Variants in PLEKHA1 observed in about 807,000 individuals in gnomAD.
The protein encoded by PLEKHA1 is pleckstrin homology domain-containing family A member 1.
In PLEKHA1, 34 loss-of-function variants were observed where a neutral mutation model predicts 52.0. The ratio of observed to expected loss-of-function variants is 0.65; its 90% CI spans 0.50 to 0.87. The LOEUF (loss-of-function observed/expected upper bound fraction) is 0.87, where lower values mean the gene tolerates loss of function less well. Ranked by LOEUF, PLEKHA1 falls within the 40% of genes least tolerant of loss-of-function variation. The pLI is 0.00. For synonymous variants in PLEKHA1, 163 were observed against 170.7 expected, an observed-to-expected ratio of 0.95 and a Z score of 0.35; for missense variants, 497 against 504.2, an observed-to-expected ratio of 0.99 and a Z score of 0.14.
chr10:122,418,434 A>G (rs1247993451), intron 8 of PLEKHA1: 1 of 153,442 alleles, frequency 6.5e-6, no homozygotes, highest in African/African-American at 2.4e-5. Context: ...ATATCTGTAT[A>G]TATGATGAGG....
intron 9 of PLEKHA1, 74 bp from the exon 10 acceptor site, chr10:122,424,815 ATACTGGG>A: frequency 9.1e-7 from 1 of 1,099,200 alleles, no homozygotes; most frequent in African/African-American, 1.6e-5. Flanking sequence ...TTATTGACGC[ATACTGGG>A]TACTGGGTAA....
At position 122,412,974 on chromosome 10, in the gene PLEKHA1, G is replaced by A; in HGVS notation, c.397G>A (p.Glu133Lys). The change falls in exon 6 of 12, where the codon GAA becomes AAA. Residue 133 changes from glutamate (E) to lysine (K), a missense_variant. Transcript: ENST00000368990. The stretch of plus-strand genomic sequence containing the variant: ...TTCTGATAACCTAAGTCGCCATGGT[G>A]AATGTGGGAAAAAGCAAGTGTCTTA... Reference protein sequence around the residue: ...PNSDNLSRHGECGKKQVSYRT... With the variant: ...PNSDNLSRHGKCGKKQVSYRT... 6.2e-7 allele frequency: 1 copy of A among 1,613,586 alleles called. No individual in the cohort carries two copies. The highest frequency in any genetic ancestry group is 2.2e-5 in the East Asian group (1 of 44,838).
At chr10:122,434,163 A>G (rs2097429706), downstream of PLEKHA1, 1 of 152,124 alleles carries the variant, frequency 6.6e-6, no homozygotes, top group African/African-American at 2.4e-5. Context: ...GTGTTTGTCC[A>G]CTGCTGCTAT....
chr10:122,424,193 T>TTTTTTG lies in PLEKHA1; in HGVS notation c.682-6_682-5insTTTTTG. 6.5e-7 allele frequency: 1 copy of TTTTTTG among 1,536,104 alleles called. No individual in the cohort carries two copies. Among genetic ancestry groups the TTTTTTG allele is most frequent in the African/African-American group, 1.5e-5 (1 of 68,472 alleles). On this transcript the variant is annotated splice_polypyrimidine_tract_variant and splice_region_variant and intron_variant, in intron 8 of 11. Coordinates refer to ENST00000368990, the MANE Select transcript of PLEKHA1 (RefSeq NM_001001974.4). ...ACTGTTTTTTTTTTTTTTTTTTTTT[T>TTTTTTG]GCCAGGAAAAGGAACCTCTTCGTGT...
At position 122,429,997 on chromosome 10, in the gene PLEKHA1, TC is replaced by T; in HGVS notation, c.*60del. 6.6e-7 allele frequency: 1 copy of T among 1,522,460 alleles called. No homozygotes were observed. Among genetic ancestry groups the T allele is most frequent in the Non-Finnish European group, 8.9e-7 (1 of 1,128,858 alleles). 94.3% of individuals were successfully genotyped at this position (1,522,460 alleles called of 1,614,324 possible). On this transcript the variant is annotated 3_prime_UTR_variant, in exon 12 of 12. Coordinates refer to ENST00000368990, the MANE Select transcript of PLEKHA1 (RefSeq NM_001001974.4). Reference sequence around the variant, plus strand: ...GTCCTCAGTTTCCTTTCATGAGGCTTCTAGCCAAAGATGATAAAGGGGGAAA... The same window carrying T: ...GTCCTCAGTTTCCTTTCATGAGGCTTTAGCCAAAGATGATAAAGGGGGAAA...
At chr10:122,428,277 T>C in intron 11 of PLEKHA1, 1 of 1,540,556 alleles carries the variant, frequency 6.5e-7, no homozygotes, top group Non-Finnish European at 8.8e-7. Context: ...GTGTTCCAGA[T>C]GCGGCAGGCC....
At chr10:122,384,881 G>A (rs2096666574) in intron 1 of PLEKHA1, among the ~76,000 whole-genome samples, 1 of 152,156 alleles carries the variant, frequency 6.6e-6, no homozygotes, top group African/African-American at 2.4e-5. Context: ...GCTTGAGCCT[G>A]TGAGGTGGAG....
intron 5 of PLEKHA1, among the ~76,000 whole-genome samples, chr10:122,409,971 T>G (rs1039829751): frequency 2.2e-4 from 34 of 151,970 alleles, no homozygotes; most frequent in African/African-American, 8.2e-4. Context: ...TAGTAGAGAC[T>G]GGGTTTCGCC....
chr10:122,402,758 AG>A (rs1160081235), intron 4 of PLEKHA1, among the ~76,000 whole-genome samples: 1 of 152,228 alleles, frequency 6.6e-6, no homozygotes, highest in Admixed American at 6.5e-5. Flanking sequence ...TGGTGTCTCC[AG>A]AAATAGAATC....
At chr10:122,414,149 C>T (rs2133104343) in intron 6 of PLEKHA1, among the ~76,000 whole-genome samples, 1 of 152,142 alleles carries the variant, frequency 6.6e-6, no homozygotes, top group East Asian at 1.9e-4. Flanking sequence ...AAACTGTTAA[C>T]CTTCTGGTTA....
chr10:122,398,533 T>C (rs2096882235), intron 3 of PLEKHA1, among the ~76,000 whole-genome samples: 1 of 152,034 alleles, frequency 6.6e-6, no homozygotes, highest in Non-Finnish European at 1.5e-5. Flanking sequence ...CATTTTTTTC[T>C]TATTTTCTTC....
chr10:122,403,473 A>G (rs1195492007), intron 4 of PLEKHA1, among the ~76,000 whole-genome samples: 9 of 152,180 alleles, frequency 5.9e-5, no homozygotes, highest in African/African-American at 1.7e-4. Flanking sequence ...ATTCATTCTA[A>G]TCATAAAGAT....
chr10:122,389,277 A>G (rs2096743094), intron 1 of PLEKHA1, among the ~76,000 whole-genome samples: 1 of 152,276 alleles, frequency 6.6e-6, no homozygotes, highest in Admixed American at 6.5e-5. Flanking sequence ...ATGTTGTGTT[A>G]ACAGGTGTGG....
intron 4 of PLEKHA1, among the ~76,000 whole-genome samples, chr10:122,405,603 T>C (rs2096998587): frequency 6.6e-6 from 1 of 151,108 alleles, no homozygotes; most frequent in Non-Finnish European, 1.5e-5. Flanking sequence ...ATTTCAAACC[T>C]AAGGGATTTG....
At chr10:122,376,648 A>G (rs1345064844) in intron 1 of PLEKHA1, among the ~76,000 whole-genome samples, 1 of 152,010 alleles carries the variant, frequency 6.6e-6, no homozygotes, top group Admixed American at 6.6e-5. Flanking sequence ...GCAGGTTTGT[A>G]TCTTTTTTTC....
intron 1 of PLEKHA1, among the ~76,000 whole-genome samples, chr10:122,380,737 GA>G (rs147044708): frequency 0.014 from 2,073 of 152,258 alleles, 35 homozygotes; most frequent in African/African-American, 0.047. Context: ...AAAAAGTACT[GA>G]TGCCTGGATC....
At chr10:122,434,266 T>C (rs2097430070), downstream of PLEKHA1, 1 of 152,234 alleles carries the variant, frequency 6.6e-6, no homozygotes, top group African/African-American at 2.4e-5. Context: ...TTGTCCATTT[T>C]TGAAAAGATC....
chr10:122,398,931 G>C (rs1228433871), intron 3 of PLEKHA1, among the ~76,000 whole-genome samples: 3 of 152,200 alleles, frequency 2.0e-5, no homozygotes, highest in African/African-American at 7.2e-5. Context: ...TTTCTGTTAA[G>C]ATCATACTAT....
At chr10:122,394,069 CTTTTTTTTTT>C (rs796831792) in intron 2 of PLEKHA1, among the ~76,000 whole-genome samples, 10 of 97,244 alleles carry the variant, frequency 1.0e-4, no homozygotes, top group South Asian at 3.6e-4. Flanking sequence ...ACTTTCTCTA[CTTTTTTTTTT>C]TTTTTTTTTT....
Sources: allele counts gnomAD v4.1 joint callset (sites outside exome capture counted in the v4.1 genomes callset), GRCh38; gene constraint gnomAD v4.1.1; transcripts MANE v1.5; gene names NCBI Gene and HGNC (gene_info 2026-07-23, HGNC 2026-07-21).